Variants in ENO1 observed in about 807,000 individuals in gnomAD.
ENO1 encodes enolase 1.
In ENO1, 33 loss-of-function variants were observed where a neutral mutation model predicts 46.3. The observed-to-expected ratio is 0.71, with a 90% CI of 0.54 to 0.95. The LOEUF (loss-of-function observed/expected upper bound fraction) is 0.95. Among genes scored for constraint, ENO1 ranks in the 40% least tolerant of loss-of-function variants. ENO1 has a pLI of 0.00. For synonymous variants in ENO1, 220 were observed against 216.0 expected (o/e 1.02, Z -0.16); for missense variants, 488 against 553.3 (o/e 0.88, Z 1.18).
intron 3 of ENO1, 147 bp downstream of exon 3, chr1:8,871,744 A>G: frequency 8.0e-7 from 1 of 1,254,818 alleles, no homozygotes; most frequent in East Asian, 2.4e-5. Context: ...AAGGTGGTGC[A>G]CTGCTTCCAT....
Position 8,864,082 on chromosome 1 carries a change from G to A in ENO1, c.876C>T (p.Ile292=), listed in dbSNP as rs780727797. Residue 292 remains isoleucine, a synonymous_variant, in exon 9 of 12, where the codon ATC becomes ATT. Transcript: ENST00000234590. ...AGTCATCCTGGTCAAAGGGATCTTCGATAGACACCACTAAGGAAAGGAGGG... is the reference window on the plus strand; with the variant it reads ...AGTCATCCTGGTCAAAGGGATCTTCAATAGACACCACTAAGGAAAGGAGGG... ...SFIKDYPVVS[I]EDPFDQDDWG... 1.1e-5 allele frequency: 18 copies of A among 1,613,888 alleles called. No individual in the cohort carries two copies. Among genetic ancestry groups the A allele is most frequent in the Admixed American group, 3.3e-5 (2 of 59,968 alleles).
At position 8,863,945 on chromosome 1, in the gene ENO1, T is replaced by C. The variant is rs1474027392; in HGVS notation, c.1013A>G (p.Asn338Ser). The C allele has an allele frequency of 2.5e-6, 4 of 1,614,018 alleles. No individual in the cohort carries two copies. The highest frequency in any genetic ancestry group is 1.7e-5 in the Admixed American group (1 of 60,010). The change falls in exon 9 of 12, where the codon AAC (asparagine) becomes AGC (serine). Residue 338 changes from asparagine (N) to serine (S), a missense_variant. Asn to Ser is a conservative substitution (Grantham distance 46). Coordinates refer to ENST00000234590, the MANE Select transcript of ENO1 (RefSeq NM_001428.5). ...CTGGTTGACTTTGAGCAGGAGGCAGTTGCAGGACTTCTCGTTCACGGCCTT... is the reference window on the plus strand; with the variant it reads ...CTGGTTGACTTTGAGCAGGAGGCAGCTGCAGGACTTCTCGTTCACGGCCTT... ...IAKAVNEKSC[N>S]CLLLKVNQIG... is the part of the protein sequence containing the mutation.
intron 3 of ENO1, chr1:8,871,088 C>T: frequency 8.2e-7 from 1 of 1,219,598 alleles, no homozygotes; most frequent in Non-Finnish European, 1.0e-6. Flanking sequence ...GCTAAGTCCC[C>T]ACGTACGCCA....
chr1:8,867,714 T>G (rs998782790), intron 5 of ENO1, among the ~76,000 whole-genome samples: 1 of 152,110 alleles, frequency 6.6e-6, no homozygotes, highest in African/African-American at 2.4e-5. Flanking sequence ...TATTTTTTAG[T>G]GGAGACGGGG....
intron 4 of ENO1, among the ~76,000 whole-genome samples, chr1:8,868,382 T>C (rs1301645916): frequency 6.6e-6 from 1 of 152,154 alleles, no homozygotes; most frequent in Admixed American, 6.5e-5. Context: ...GTATGTGCTA[T>C]GTAGACCACT....
intron 9 of ENO1, among the ~76,000 whole-genome samples, chr1:8,863,567 T>C (rs1474905793): frequency 6.6e-6 from 1 of 152,154 alleles, no homozygotes; most frequent in East Asian, 1.9e-4. Context: ...GTTGAAACAC[T>C]GGGTTCAGCC....
intron 4 of ENO1, 104 bp from the exon 5 acceptor site, chr1:8,868,161 C>A: frequency 1.2e-6 from 1 of 849,932 alleles, no homozygotes; most frequent in Non-Finnish European, 1.9e-6. Context: ...ATATCAAAAT[C>A]AATTCTGTGA....
chr1:8,877,927 C>T (rs1455972465), intron 1 of ENO1: 1 of 152,122 alleles, frequency 6.6e-6, no homozygotes, highest in African/African-American at 2.4e-5. Context: ...GGTGGCCAGC[C>T]GGGGAGCCGC....
chr1:8,863,994 C>CT lies in ENO1; in HGVS notation c.963dup (p.Val322SerfsTer56), dbSNP rs780960067. On this transcript the variant is annotated frameshift_variant, in exon 9 of 12. Coordinates refer to ENST00000234590, the MANE Select transcript of ENO1 (RefSeq NM_001428.5). LOFTEE classifies it high-confidence loss of function. Reference sequence around the variant, plus strand: ...TTGGCGATCCTCTTTGGGTTGGTCACTGTGAGATCATCCCCCACTACCTGG... The same window carrying CT: ...TTGGCGATCCTCTTTGGGTTGGTCACTTGTGAGATCATCCCCCACTACCTGG... 1 of 1,614,192 alleles carries CT rather than the reference C, an allele frequency of 6.2e-7. No individual in the cohort carries two copies. The highest frequency in any genetic ancestry group is 1.1e-5 in the South Asian group (1 of 91,082).
intron 2 of ENO1, chr1:8,873,911 C>G (rs987742486): frequency 2.0e-5 from 3 of 152,210 alleles, no homozygotes; most frequent in Non-Finnish European, 4.4e-5. Context: ...TACAAAGGCA[C>G]TGGATTTTCT....
At chr1:8,873,768 C>T (rs1216599640) in intron 2 of ENO1, 1 of 152,268 alleles carries the variant, frequency 6.6e-6, no homozygotes, top group African/African-American at 2.4e-5. Context: ...AGGCCTGTGA[C>T]TCACAGATGG....
chr1:8,861,425 C>G lies in ENO1; in HGVS notation c.1240G>C (p.Glu414Gln). Residue 414 changes from glutamate to glutamine, a missense_variant, in exon 12 of 12, where the codon GAA becomes CAA. Glu to Gln is a conservative substitution (Grantham distance 29). Coordinates refer to ENST00000234590, the MANE Select transcript of ENO1 (RefSeq NM_001428.5). ...TTAGCCTTGCTGCCCAGCTCCTCTT[C>G]AATTCTTGGGAAGGAGAAAGGTAAA... is the stretch of plus-strand genomic sequence containing the variant. ...LAKYNQLLRI[E>Q]EELGSKAKFA... 6.2e-7 allele frequency: 1 copy of G among 1,614,010 alleles called. No homozygotes were observed. The highest frequency in any genetic ancestry group is 8.5e-7 in the Non-Finnish European group (1 of 1,179,994).
rs962068072 is a variant in ENO1 at position 8,863,244 on chromosome 1, G to T, written c.1167C>A (p.Cys389Ter). Residue 389 changes from cysteine (C) to a stop codon, truncating the protein, a stop_gained, in exon 10 of 12, where the codon TGC becomes TGA. Coordinates refer to ENST00000234590, the MANE Select transcript of ENO1 (RefSeq NM_001428.5). LOFTEE classifies it high-confidence loss of function. ...AGACGCTCATTCTTACCTGCCCAGT[G>T]CACAGCCCCACAACCAGGTCAGCGA... ...TFIADLVVGLCTGQIKTGAPC... is the reference protein window; with the variant it reads ...TFIADLVVGL The T allele has an allele frequency of 5.0e-6, 8 of 1,613,982 alleles. No homozygotes were observed. The highest frequency in any genetic ancestry group is 6.8e-6 in the Non-Finnish European group (8 of 1,180,018).
chr1:8,863,930 T>C lies in ENO1; in HGVS notation c.1028A>G (p.Lys343Arg). 1 of 1,613,886 alleles carries C rather than the reference T, an allele frequency of 6.2e-7. No homozygotes were observed. Among genetic ancestry groups the C allele is most frequent in the Non-Finnish European group, 8.5e-7 (1 of 1,179,952 alleles). The stretch of plus-strand genomic sequence containing the variant: ...GGTCACGGAGCCAATCTGGTTGACT[T>C]TGAGCAGGAGGCAGTTGCAGGACTT... ...NEKSCNCLLLKVNQIGSVTES... is the reference protein window; with the variant it reads ...NEKSCNCLLLRVNQIGSVTES... Residue 343 changes from lysine to arginine, a missense_variant, in exon 9 of 12, where the codon AAA (lysine) becomes AGA (arginine). By Grantham distance (26) the Lys-to-Arg change is conservative. Transcript: ENST00000234590.
chr1:8,878,275 G>A (rs902626425), intron 1 of ENO1: 7 of 258,482 alleles, frequency 2.7e-5, no homozygotes, highest in Non-Finnish European at 5.3e-5. Flanking sequence ...AGCAGCTCGC[G>A]TGTGCAGCTC....
intron 4 of ENO1, chr1:8,870,236 C>T (rs1569911728): frequency 1.7e-6 from 1 of 575,320 alleles, no homozygotes; most frequent in East Asian, 2.8e-5. Flanking sequence ...CGAAGTGTCT[C>T]ATTCTTCTGA....
chr1:8,872,354 C>T (rs4908519), intron 2 of ENO1, among the ~76,000 whole-genome samples: 64,577 of 151,832 alleles, frequency 0.43, 15,484 homozygotes, highest in Non-Finnish European at 0.54. Context: ...AAATCCAATG[C>T]GAGCCACACA....
rs1172064289 is a variant in ENO1, at chr1:8,866,500, G to A, written c.446C>T (p.Ala149Val). 3 of 1,614,170 alleles carry A rather than the reference G, an allele frequency of 1.9e-6. No homozygotes were observed. Among genetic ancestry groups the A allele is most frequent in the Non-Finnish European group, 1.7e-6 (2 of 1,180,036 alleles). Residue 149 changes from alanine to valine, a missense_variant and splice_region_variant, in exon 7 of 12, where the codon GCG becomes GTG. Coordinates refer to ENST00000234590, the MANE Select transcript of ENO1 (RefSeq NM_001428.5). Reference protein sequence around the residue: ...GNSEVILPVPAFNVINGGSHA... With the variant: ...GNSEVILPVPVFNVINGGSHA... ...AGAACCGCCATTGATGACATTGAAC[G>A]CCTGGGGAGAGCAGAGCAGAGAAGC...
intron 1 of ENO1, chr1:8,875,971 T>C (rs1291167576): frequency 6.6e-6 from 1 of 151,794 alleles, no homozygotes; most frequent in East Asian, 1.9e-4. Flanking sequence ...AATTTGTAAA[T>C]AGAGGAAAGA....
Sources: allele counts gnomAD v4.1 joint callset (sites outside exome capture counted in the v4.1 genomes callset), GRCh38; gene constraint gnomAD v4.1.1; transcripts MANE v1.5; gene names NCBI Gene and HGNC (gene_info 2026-07-23, HGNC 2026-07-21).